Variants in DAB1 observed in about 807,000 individuals in gnomAD.
The protein encoded by DAB1 is DAB adaptor protein 1.
DAB1 carries 15 observed loss-of-function variants against 64.6 expected under a neutral mutation model. The ratio of observed to expected loss-of-function variants is 0.23; its 90% CI spans 0.16 to 0.36. The LOEUF (loss-of-function observed/expected upper bound fraction) is 0.36. Ranked by LOEUF, DAB1 falls within the 10% of genes least tolerant of loss-of-function variation. DAB1 has a pLI of 1.00. For missense variants in DAB1, 596 were observed against 706.7 expected (o/e 0.84, Z 1.78); for synonymous variants, 235 against 251.9 (o/e 0.93, Z 0.64).
intron 3 of DAB1, among the ~76,000 whole-genome samples, chr1:58,358,261 A>G (rs1179608635): frequency 6.6e-6 from 1 of 152,192 alleles, no homozygotes; most frequent in Non-Finnish European, 1.5e-5. Flanking sequence ...AAATTCACCC[A>G]TTGTCCAAAT....
At chr1:58,402,778 CAGAT>C (rs1644583862) in intron 3 of DAB1, among the ~76,000 whole-genome samples, 1 of 152,190 alleles carries the variant, frequency 6.6e-6, no homozygotes, top group African/African-American at 2.4e-5. Context: ...AATGAACAGA[CAGAT>C]AGACTTCCTG....
intron 3 of DAB1, among the ~76,000 whole-genome samples, chr1:58,361,367 T>TTCTGC (rs1473794748): frequency 2.6e-5 from 4 of 152,246 alleles, no homozygotes; most frequent in African/African-American, 9.6e-5. Flanking sequence ...ATTGGACCAC[T>TTCTGC]AAGGACCGGC....
intron 1 of DAB1, among the ~76,000 whole-genome samples, chr1:57,305,988 A>AAAAAAAAAAG (rs1558132335): frequency 6.7e-6 from 1 of 148,534 alleles, no homozygotes; most frequent in African/African-American, 2.5e-5. Flanking sequence ...AAAAAAAAGA[A>AAAAAAAAAAG]AAAAGAAAAG....
intron 7 of DAB1, among the ~76,000 whole-genome samples, chr1:57,555,067 A>C (rs1409604891): frequency 8.9e-6 from 1 of 112,628 alleles, no homozygotes; most frequent in Non-Finnish European, 1.6e-5. Flanking sequence ...ACGGAGTCTC[A>C]CTCTGTCACC....
chr1:57,092,072 T>C (rs1006735915), intron 4 of DAB1, among the ~76,000 whole-genome samples: 7 of 152,248 alleles, frequency 4.6e-5, no homozygotes, highest in Non-Finnish European at 1.0e-4. Flanking sequence ...GAAGTCTCTC[T>C]GTCCTGGCCT....
intron 2 of DAB1, among the ~76,000 whole-genome samples, chr1:57,235,099 G>A (rs1336120326): frequency 6.6e-6 from 1 of 152,144 alleles, no homozygotes; most frequent in East Asian, 1.9e-4. Flanking sequence ...AGGGATCAGA[G>A]GGAAATACCA....
chr1:58,356,666 C>A (rs1644114392), intron 3 of DAB1, among the ~76,000 whole-genome samples: 1 of 152,032 alleles, frequency 6.6e-6, no homozygotes. Flanking sequence ...GCTGAAAGAC[C>A]AGAGCTGAAA....
chr1:57,232,479 G>T (rs1355722748), intron 2 of DAB1, among the ~76,000 whole-genome samples: 1 of 151,998 alleles, frequency 6.6e-6, no homozygotes, highest in South Asian at 2.1e-4. Context: ...ATACAAAAAT[G>T]AGCAAGAGAG....
chr1:57,118,905 C>T (rs1557754195), intron 4 of DAB1, among the ~76,000 whole-genome samples: 1 of 152,012 alleles, frequency 6.6e-6, no homozygotes, highest in African/African-American at 2.4e-5. Context: ...AGAAATAGCT[C>T]GCATTTATGA....
At chr1:57,546,832 A>G (rs1644861160) in intron 7 of DAB1, among the ~76,000 whole-genome samples, 1 of 152,172 alleles carries the variant, frequency 6.6e-6, no homozygotes, top group Non-Finnish European at 1.5e-5. Flanking sequence ...CCTGTCATTA[A>G]GCAATGCATG....
intron 5 of DAB1, among the ~76,000 whole-genome samples, chr1:58,064,368 C>T (rs1227991725): frequency 2.0e-5 from 3 of 152,172 alleles, no homozygotes; most frequent in Non-Finnish European, 4.4e-5. Context: ...TGGGAGTCAC[C>T]ATGGAGACCA....
chr1:57,928,947 A>G (rs1271216858), intron 5 of DAB1, among the ~76,000 whole-genome samples: 1 of 152,250 alleles, frequency 6.6e-6, no homozygotes, highest in Non-Finnish European at 1.5e-5. Flanking sequence ...TCATTTGAGT[A>G]AAAGTCAAGG....
chr1:57,140,465 C>A (rs1658492790), intron 3 of DAB1, among the ~76,000 whole-genome samples: 2 of 152,146 alleles, frequency 1.3e-5, no homozygotes, highest in South Asian at 4.1e-4. Context: ...CCTTCTACTA[C>A]AATCCTCTCT....
At chr1:58,287,448 G>A (rs1365218316) in intron 4 of DAB1, among the ~76,000 whole-genome samples, 1 of 152,100 alleles carries the variant, frequency 6.6e-6, no homozygotes, top group African/African-American at 2.4e-5. Context: ...GTCAGTGGCT[G>A]GAGCCAGAGT....
chr1:57,729,453 C>T (rs923784657), intron 6 of DAB1, among the ~76,000 whole-genome samples: 2 of 152,206 alleles, frequency 1.3e-5, no homozygotes, highest in Admixed American at 6.5e-5. Flanking sequence ...AGGACTTTGG[C>T]CACAGCTGTC....
intron 4 of DAB1, among the ~76,000 whole-genome samples, chr1:58,310,097 A>T (rs1354687279): frequency 3.3e-5 from 5 of 152,180 alleles, no homozygotes; most frequent in Non-Finnish European, 5.9e-5. Flanking sequence ...TAAAATACAC[A>T]CATGCTCACA....
intron 4 of DAB1, among the ~76,000 whole-genome samples, chr1:57,109,279 G>A (rs988506082): frequency 6.6e-6 from 1 of 152,186 alleles, no homozygotes; most frequent in African/African-American, 2.4e-5. Flanking sequence ...TCTAGTTCAT[G>A]TTGGGGTTCT....
intron 5 of DAB1, among the ~76,000 whole-genome samples, chr1:58,112,884 G>A (rs883359): frequency 0.38 from 57,498 of 152,034 alleles, 13,843 homozygotes; most frequent in Non-Finnish European, 0.56. Context: ...AGGCTGTGGG[G>A]ACACTCTTCC....
At chr1:57,836,019 T>G (rs1161157131) in intron 1 of DAB1, among the ~76,000 whole-genome samples, 1 of 152,096 alleles carries the variant, frequency 6.6e-6, no homozygotes, top group Non-Finnish European at 1.5e-5. Context: ...TGAGGCTCAC[T>G]TAAAACCCAA....
Sources: allele counts gnomAD v4.1 joint callset (sites outside exome capture counted in the v4.1 genomes callset), GRCh38; gene constraint gnomAD v4.1.1; transcripts MANE v1.5; gene names NCBI Gene and HGNC (gene_info 2026-07-23, HGNC 2026-07-21).